PRKG1: variants seen among roughly 807,000 people sequenced by gnomAD.
PRKG1 encodes cGMP-dependent protein kinase 1.
In PRKG1, 35 loss-of-function variants were observed where a neutral mutation model predicts 88.1. The ratio of observed to expected loss-of-function variants is 0.40; its 90% CI spans 0.30 to 0.53. The LOEUF is 0.53. PRKG1 is among the 20% of genes least tolerant of loss of function. PRKG1 has a pLI of 0.59. For synonymous variants in PRKG1, 303 were observed against 292.5 expected (o/e 1.04, Z -0.37); for missense variants, 540 against 839.8 (o/e 0.64, Z 4.41).
intron 3 of PRKG1, among the ~76,000 whole-genome samples, chr10:51,481,982 T>A (rs1390160840): frequency 6.6e-6 from 1 of 152,214 alleles, no homozygotes; most frequent in Non-Finnish European, 1.5e-5. Flanking sequence ...TTCTGTTGTA[T>A]AACTTGAAGG....
intron 4 of PRKG1, among the ~76,000 whole-genome samples, chr10:51,867,470 G>A (rs947617538): frequency 1.3e-5 from 2 of 152,120 alleles, no homozygotes; most frequent in Non-Finnish European, 2.9e-5. Context: ...GGAGAGAAAT[G>A]ACAAAGGCAT....
chr10:51,390,378 T>C (rs535934689), intron 2 of PRKG1, among the ~76,000 whole-genome samples: 3 of 152,352 alleles, frequency 2.0e-5, no homozygotes, highest in African/African-American at 7.2e-5. Context: ...CGTATATTCA[T>C]AGGCACTTTG....
At position 51,554,118 on chromosome 10, in the gene PRKG1, C is replaced by CATATGTGATAT. The variant is rs1365922890; in HGVS notation, c.592+86282_592+86283insATATGTGATAT. ...ATATATTATATGTGCGTATGTGATA[C>CATATGTGATAT]GTGTATATATTATATGTGCGTATGT... On this transcript the variant is annotated intron_variant, in intron 3 of 17. Transcript: ENST00000373980. Among the ~76,000 whole-genome samples the CATATGTGATAT allele has an allele frequency of 8.6e-5, 6 of 69,896 alleles. 3 individuals are homozygous for CATATGTGATAT. The East Asian group carries it at 1.7e-3, about 20-fold the overall frequency. The allele number at this position is 69,896 out of a possible 152,430, so 45.9% of individuals were successfully genotyped here. A position where few individuals can be genotyped will look rare whatever the true frequency, so the allele number is the denominator to read the frequency against.
chr10:51,186,192 A>G (rs1379064726), intron 2 of PRKG1, among the ~76,000 whole-genome samples: 2 of 151,842 alleles, frequency 1.3e-5, no homozygotes, highest in Non-Finnish European at 2.9e-5. Flanking sequence ...TAAATTATAC[A>G]TATGCAGGAT....
chr10:51,334,140 TTCTCTCTCTCTTTCTCTCTCTC>T (rs1190073662), intron 2 of PRKG1, among the ~76,000 whole-genome samples: 2 of 112,356 alleles, frequency 1.8e-5, no homozygotes, highest in Non-Finnish European at 3.8e-5. Flanking sequence ...CTTCCTTTCT[TTCTCTCTCTCTTTCTCTCTCTC>T]TCTCTCTCTC....
Position 51,630,443 on chromosome 10 carries a change from A to G in PRKG1, c.592+162607A>G, listed in dbSNP as rs139296903. The stretch of plus-strand genomic sequence containing the variant: ...AGCAAAACCAGAAAGCCAACCAGTC[A>G]TGGCAGCTGCTCTGTTCATAAATAT... On this transcript the variant is annotated intron_variant, in intron 3 of 17. Transcript: ENST00000373980. 4.2e-3 allele frequency among the ~76,000 whole-genome samples: 643 copies of G among 152,322 alleles called. 6 individuals are homozygous for G. The highest frequency in any genetic ancestry group is 0.021 in the South Asian group (103 of 4,826).
At chr10:51,163,706 TCCGACGGGCTTA>T (rs1846434848) in intron 2 of PRKG1, among the ~76,000 whole-genome samples, 3 of 152,212 alleles carry the variant, frequency 2.0e-5, no homozygotes. Context: ...ACTGCGCTTT[TCCGACGGGCTTA>T]AAAAACGGCG....
chr10:51,506,701 G>C (rs1196473719), intron 3 of PRKG1, among the ~76,000 whole-genome samples: 1 of 152,166 alleles, frequency 6.6e-6, no homozygotes, highest in Non-Finnish European at 1.5e-5. Flanking sequence ...TACACTGTTG[G>C]TGGGACTGTA....
chr10:51,123,861 C>G (rs927584556), intron 1 of PRKG1, among the ~76,000 whole-genome samples: 1 of 152,036 alleles, frequency 6.6e-6, no homozygotes, highest in Non-Finnish European at 1.5e-5. Context: ...GAGGCAGGCA[C>G]TTCACGTGGT....
At chr10:51,941,434 T>C (rs1180501919) in intron 5 of PRKG1, among the ~76,000 whole-genome samples, 1 of 151,864 alleles carries the variant, frequency 6.6e-6, no homozygotes, top group Non-Finnish European at 1.5e-5. Context: ...TCACACGTGC[T>C]TATGTTTTTT....
At chr10:52,079,904 C>A (rs553662381) in intron 7 of PRKG1, among the ~76,000 whole-genome samples, 2 of 152,074 alleles carry the variant, frequency 1.3e-5, no homozygotes, top group Non-Finnish European at 2.9e-5. Context: ...GCTGTAGGCC[C>A]CATACATGCT....
intron 2 of PRKG1, among the ~76,000 whole-genome samples, chr10:51,356,239 A>T (rs1041375040): frequency 6.6e-6 from 1 of 152,012 alleles, no homozygotes. Flanking sequence ...AGCAAGTGTG[A>T]TTCTGTTTCT....
chr10:51,139,081 G>A (rs1845765820), intron 1 of PRKG1, among the ~76,000 whole-genome samples: 1 of 152,114 alleles, frequency 6.6e-6, no homozygotes, highest in Non-Finnish European at 1.5e-5. Context: ...GTATGTGTGT[G>A]TTTGTGTATA....
intron 2 of PRKG1, among the ~76,000 whole-genome samples, chr10:51,340,843 C>A (rs926089501): frequency 3.9e-5 from 6 of 152,086 alleles, no homozygotes; most frequent in African/African-American, 1.4e-4. Context: ...ATAAGACAAT[C>A]TAATGGGGCA....
At position 51,008,644 on chromosome 10, in the gene PRKG1, A is replaced by C. The variant is rs531042660; in HGVS notation, c.266+17000A>C. On this transcript the variant is annotated intron_variant, in intron 1 of 17. Transcript: ENST00000401604. ...TTACTAGTCATTCAATTTGGGGCCC[A>C]CCCTAATCCAATATGATGTCGTCTT... Among the ~76,000 whole-genome samples, 9 of 152,182 alleles carry C rather than the reference A, an allele frequency of 5.9e-5. No homozygotes were observed. In the South Asian group the frequency reaches 1.7e-3, roughly 28 times the overall value.
intron 2 of PRKG1, among the ~76,000 whole-genome samples, chr10:51,450,272 T>A (rs1839396498): frequency 6.6e-6 from 1 of 152,044 alleles, no homozygotes; most frequent in Non-Finnish European, 1.5e-5. Flanking sequence ...AGATAAAGTT[T>A]ATATTTTATA....
intron 3 of PRKG1, among the ~76,000 whole-genome samples, chr10:51,543,572 A>T (rs139408665): frequency 6.6e-6 from 1 of 152,338 alleles, no homozygotes; most frequent in Admixed American, 6.5e-5. Flanking sequence ...AGTTTTGCAG[A>T]TGGCAGCAAA....
chr10:51,571,222 T>G (rs891262470), intron 3 of PRKG1, among the ~76,000 whole-genome samples: 1 of 152,080 alleles, frequency 6.6e-6, no homozygotes, highest in East Asian at 1.9e-4. Flanking sequence ...TAGCTGCTAT[T>G]AATACAATTA....
intron 2 of PRKG1, among the ~76,000 whole-genome samples, chr10:51,239,380 C>A (rs1475338755): frequency 3.3e-5 from 5 of 152,172 alleles, no homozygotes; most frequent in African/African-American, 1.2e-4. Context: ...ATCACACTAA[C>A]AAGTGTATAC....
Sources: gnomAD v4.1 joint callset for allele counts (sites outside exome capture counted in the v4.1 genomes callset) on GRCh38, gnomAD v4.1.1 for gene constraint, MANE v1.5 for transcripts, NCBI Gene and HGNC (gene_info 2026-07-23, HGNC 2026-07-21) for gene names.